The following PDCD6IP variants were observed in gnomAD, a reference collection of about 807,000 sequenced individuals.
PDCD6IP encodes programmed cell death 6 interacting protein.
A neutral mutation model predicts 103.7 loss-of-function variants in PDCD6IP; 43 were observed. The ratio of observed to expected loss-of-function variants is 0.41; its 90% confidence interval spans 0.32 to 0.53. PDCD6IP has a LOEUF of 0.53. Ranked by LOEUF, PDCD6IP falls within the 20% of genes least tolerant of loss-of-function variation. The probability of loss-of-function intolerance (pLI) is 0.16; values close to 1 mark genes in which losing one functional copy is unlikely to be tolerated. For missense variants in PDCD6IP, 871 were observed against 1,036.7 expected (o/e 0.84, Z 2.20); for synonymous variants, 354 against 378.7 (o/e 0.93, Z 0.76).
chr3:33,864,211 A>G (rs1429504014), intron 16 of PDCD6IP, 82 bp downstream of exon 16: 1 of 875,360 alleles, frequency 1.1e-6, no homozygotes, highest in Non-Finnish European at 1.8e-6. Context: ...CATGATTTAC[A>G]TAGGAAGGAT....
At chr3:33,804,122 T>C (rs1231525410) in intron 1 of PDCD6IP, among the ~76,000 whole-genome samples, 1 of 152,172 alleles carries the variant, frequency 6.6e-6, no homozygotes, top group African/African-American at 2.4e-5. Context: ...CCATGAAAAT[T>C]TAGGCTTGCA....
chr3:33,858,290 G>T (rs1451801286), intron 15 of PDCD6IP, among the ~76,000 whole-genome samples: 1 of 152,190 alleles, frequency 6.6e-6, no homozygotes, highest in Non-Finnish European at 1.5e-5. Flanking sequence ...TTCTTGGACA[G>T]GATGACTCAA....
chr3:33,861,278 G>A (rs1475400355), intron 15 of PDCD6IP, among the ~76,000 whole-genome samples: 4 of 151,752 alleles, frequency 2.6e-5, no homozygotes, highest in Non-Finnish European at 4.4e-5. Context: ...CGAGTAGCTG[G>A]GATTACAAGC....
intron 3 of PDCD6IP, among the ~76,000 whole-genome samples, chr3:33,817,557 C>G (rs1478067903): frequency 6.6e-6 from 1 of 151,758 alleles, no homozygotes; most frequent in East Asian, 1.9e-4. Context: ...AGTACAAGAC[C>G]AGCTTGGGGA....
In PDCD6IP at chr3:33,821,978, A is replaced by G. The variant is rs771444445; in HGVS notation, c.358A>G (p.Lys120Glu). Reference sequence around the variant, plus strand: ...AGCTCTTGCAAGCTTAGGATATGAAAAGAGCTGTGTGTTGTTCAATTGTGC... The same window carrying G: ...AGCTCTTGCAAGCTTAGGATATGAAGAGAGCTGTGTGTTGTTCAATTGTGC... ...KLALASLGYE[K>E]SCVLFNCAAL... Residue 120 changes from lysine to glutamate, a missense_variant, in exon 4 of 18, where the codon AAG becomes GAG. Physicochemically the swap from Lys to Glu is moderately conservative, Grantham distance 56 (BLOSUM62 1). This residue lies in a region of PDCD6IP where 47 missense variants were observed against 83.7 expected (regional missense o/e 0.56). Coordinates refer to ENST00000307296, the MANE Select transcript of PDCD6IP (RefSeq NM_013374.6). The G allele has an allele frequency of 6.2e-7, 1 of 1,613,864 alleles. No individual in the cohort carries two copies. The highest frequency in any genetic ancestry group is 8.5e-7 in the Non-Finnish European group (1 of 1,179,890).
chr3:33,844,003 T>TCC, intron 10 of PDCD6IP, 109 bp from the exon 11 acceptor site: 1 of 636,296 alleles, frequency 1.6e-6, no homozygotes, highest in Middle Eastern at 3.0e-4. Flanking sequence ...AACCTAGTAT[T>TCC]CCCATCTCAC....
At chr3:33,841,579 C>G (rs1353867149) in intron 9 of PDCD6IP, among the ~76,000 whole-genome samples, 1 of 151,024 alleles carries the variant, frequency 6.6e-6, no homozygotes, top group East Asian at 2.0e-4. Context: ...GCTGGGACTA[C>G]AGGCGCCCGC....
At chr3:33,820,688 A>C (rs960259397) in intron 3 of PDCD6IP, among the ~76,000 whole-genome samples, 3 of 152,194 alleles carry the variant, frequency 2.0e-5, no homozygotes, top group African/African-American at 7.2e-5. Context: ...CATTTCATTT[A>C]GCTTAATGTC....
At chr3:33,863,904 T>A in intron 15 of PDCD6IP, 102 bp from the exon 16 acceptor site, 1 of 746,266 alleles carries the variant, frequency 1.3e-6, no homozygotes. Flanking sequence ...TTGTTTGGAA[T>A]CCATTTTCTA....
At chr3:33,863,526 T>G (rs1697998438) in intron 15 of PDCD6IP, among the ~76,000 whole-genome samples, 2 of 152,246 alleles carry the variant, frequency 1.3e-5, no homozygotes, top group African/African-American at 4.8e-5. Context: ...TTTGTCTTTC[T>G]GTGCCTGGCT....
At chr3:33,841,427 G>T (rs1268373385) in intron 9 of PDCD6IP, among the ~76,000 whole-genome samples, 1 of 125,184 alleles carries the variant, frequency 8.0e-6, no homozygotes, top group Admixed American at 8.5e-5. Flanking sequence ...GTTAATCTTT[G>T]CTTTGCTTTT....
At chr3:33,808,458 T>C (rs555714750) in intron 1 of PDCD6IP, among the ~76,000 whole-genome samples, 5 of 152,158 alleles carry the variant, frequency 3.3e-5, no homozygotes, top group Non-Finnish European at 5.9e-5. Flanking sequence ...TGTGTATGTA[T>C]GTGTAAAGAT....
chr3:33,862,819 A>G (rs1697982537), intron 15 of PDCD6IP, among the ~76,000 whole-genome samples: 1 of 152,182 alleles, frequency 6.6e-6, no homozygotes, highest in African/African-American at 2.4e-5. Flanking sequence ...TTTTAGATAG[A>G]TGATGTTAGG....
intron 15 of PDCD6IP, among the ~76,000 whole-genome samples, chr3:33,861,480 G>A (rs1259467252): frequency 6.6e-6 from 1 of 152,160 alleles, no homozygotes; most frequent in African/African-American, 2.4e-5. Context: ...TCAATTCAGA[G>A]TAGCCACATT....
In PDCD6IP at chr3:33,840,666, A is replaced by T. The variant is rs183370367; in HGVS notation, c.1182-1231A>T. 3.8e-3 allele frequency among the ~76,000 whole-genome samples: 578 copies of T among 150,844 alleles called. 2 individuals carry two copies. Among genetic ancestry groups the T allele is most frequent in the African/African-American group, 0.013 (544 of 41,254 alleles). Reference sequence around the variant, plus strand: ...CGTTACATAGTAGATAGGGATATGTACCTCCCTTCGCCATCATGTAACTGA... The same window carrying T: ...CGTTACATAGTAGATAGGGATATGTTCCTCCCTTCGCCATCATGTAACTGA... On this transcript the variant is annotated intron_variant, in intron 9 of 17. Coordinates refer to ENST00000307296, the MANE Select transcript of PDCD6IP (RefSeq NM_013374.6).
rs563523220 is a variant in PDCD6IP at position 33,822,289 on chromosome 3, G to A, written c.462+207G>A. ...CTGTTATTCCTCATTGTTTTATACC[G>A]AGCACCTAGCACAGTGCCTGGCACA... On this transcript the variant is annotated intron_variant, in intron 4 of 17. Transcript: ENST00000307296. 3.3e-5 allele frequency among the ~76,000 whole-genome samples: 5 copies of A among 152,084 alleles called. No homozygotes were observed. In the South Asian group the frequency reaches 8.3e-4, roughly 25 times the overall value.
chr3:33,804,429 A>C (rs1696546296), intron 1 of PDCD6IP, among the ~76,000 whole-genome samples: 1 of 152,256 alleles, frequency 6.6e-6, no homozygotes. Flanking sequence ...CCAAATACTA[A>C]TGGAGAGTCT....
At chr3:33,824,481 C>G (rs966694464) in intron 4 of PDCD6IP, among the ~76,000 whole-genome samples, 2 of 152,144 alleles carry the variant, frequency 1.3e-5, no homozygotes, top group Non-Finnish European at 2.9e-5. Flanking sequence ...TGGTCTTGAA[C>G]TCCTGACCTC....
rs57489845 is a variant in PDCD6IP, at chr3:33,834,649, A to C, written c.835-1395A>C. Among the ~76,000 whole-genome samples, 158 of 152,340 alleles carry C rather than the reference A, an allele frequency of 1.0e-3. 1 individual carries two copies. The highest frequency in any genetic ancestry group is 3.6e-3 in the African/African-American group (149 of 41,584). On this transcript the variant is annotated intron_variant, in intron 7 of 17. Transcript: ENST00000307296. ...TTTATCAAATACTTTTTCAACATCT[A>C]TGGAGAAATTTGATTTTTTAACTTA...
Sources: allele counts gnomAD v4.1 joint callset (sites outside exome capture counted in the v4.1 genomes callset), GRCh38; gene constraint gnomAD v4.1.1; regional missense constraint gnomAD v4.1.1; transcripts MANE v1.5; gene names NCBI Gene and HGNC (gene_info 2026-07-23, HGNC 2026-07-21).